IQCK: variants seen among roughly 807,000 people sequenced by gnomAD.
The protein encoded by IQCK is IQ motif containing K, also known as IQ domain-containing protein K.
A neutral mutation model predicts 28.1 loss-of-function variants in IQCK; 29 were observed. That is an observed-to-expected ratio of 1.03 (90% confidence interval 0.77 to 1.41). The LOEUF is 1.41. Among genes scored for constraint, IQCK ranks in the 40% most tolerant of loss-of-function variants. The pLI, the probability that IQCK is intolerant of heterozygous loss-of-function variation, is 0.00. For synonymous variants in IQCK, 113 were observed against 115.1 expected (o/e 0.98, Z 0.12); for missense variants, 359 against 314.7 (o/e 1.14, Z -1.07).
chr16:19,730,393 A>G, intron 1 of IQCK, 37 bp from the exon 2 acceptor site: 1 of 1,455,822 alleles, frequency 6.9e-7, no homozygotes, highest in African/African-American at 1.4e-5. Flanking sequence ...ACTCTAGTGA[A>G]GTATGGAATT....
At chr16:19,832,007 C>T (rs923242129), downstream of IQCK, among the ~76,000 whole-genome samples, 2 of 152,088 alleles carry the variant, frequency 1.3e-5, no homozygotes, top group African/African-American at 4.8e-5. Flanking sequence ...GTAAGAATTT[C>T]AGCCAATGTA....
intron 7 of IQCK, among the ~76,000 whole-genome samples, chr16:19,792,901 A>C (rs72769559): frequency 0.13 from 15,504 of 114,896 alleles, 3,308 homozygotes; most frequent in Non-Finnish European, 0.16. Flanking sequence ...TTTTTTTACA[A>C]AGAGAATGTA....
intron 4 of IQCK, among the ~76,000 whole-genome samples, chr16:19,742,485 A>G (rs1003892038): frequency 6.6e-6 from 1 of 152,058 alleles, no homozygotes; most frequent in South Asian, 2.1e-4. Flanking sequence ...ACAGATTCAC[A>G]TTTTCTTGAT....
Position 19,763,913 on chromosome 16 carries a change from T to C in IQCK, c.527+13T>C. On this transcript the variant is annotated intron_variant, in intron 5 of 7. Transcript: ENST00000564186. ...AGTGGTTATACAAGTAAGTTGTTCG[T>C]GTCTGACTATTCAGTGATCCTAAGA... 6.2e-7 allele frequency: 1 copy of C among 1,612,162 alleles called. No individual in the cohort carries two copies. Among genetic ancestry groups the C allele is most frequent in the Non-Finnish European group, 8.5e-7 (1 of 1,178,152 alleles).
intron 4 of IQCK, among the ~76,000 whole-genome samples, chr16:19,737,131 C>T (rs1034498908): frequency 6.6e-6 from 1 of 151,946 alleles, no homozygotes; most frequent in Non-Finnish European, 1.5e-5. Context: ...CACTGCACCC[C>T]AGCCTGGAAA....
intron 6 of IQCK, among the ~76,000 whole-genome samples, chr16:19,768,403 C>G (rs1461544295): frequency 6.6e-6 from 1 of 152,166 alleles, no homozygotes; most frequent in Non-Finnish European, 1.5e-5. Flanking sequence ...AGTAGTACTT[C>G]AGGCAGAATT....
At chr16:19,844,644 G>T (rs2056395866) in intron 9 of IQCK, among the ~76,000 whole-genome samples, 1 of 152,192 alleles carries the variant, frequency 6.6e-6, no homozygotes, top group Admixed American at 6.5e-5. Flanking sequence ...AAACGTTCGT[G>T]TTTTCTTTTC....
intron 2 of IQCK, among the ~76,000 whole-genome samples, 153 bp from the exon 3 acceptor site, chr16:19,733,545 C>T (rs888646398): frequency 6.6e-6 from 1 of 152,176 alleles, no homozygotes; most frequent in Non-Finnish European, 1.5e-5. Context: ...ATAGGTGTCT[C>T]AGGAGGGAAG....
chr16:19,747,078 G>C (rs1300274986), intron 4 of IQCK, among the ~76,000 whole-genome samples: 5 of 152,212 alleles, frequency 3.3e-5, no homozygotes, highest in Non-Finnish European at 5.9e-5. Flanking sequence ...AGGAGTTCAA[G>C]ACCAGCTTGG....
At chr16:19,761,590 C>A in intron 4 of IQCK, 1 of 270,620 alleles carries the variant, frequency 3.7e-6, no homozygotes, top group Admixed American at 4.6e-5. Flanking sequence ...TTTTATCACC[C>A]GATTTCCATA....
chr16:19,780,377 C>G (rs116335438), intron 6 of IQCK, among the ~76,000 whole-genome samples: 4,694 of 152,018 alleles, frequency 0.031, 229 homozygotes, highest in African/African-American at 0.11. Flanking sequence ...GACAGTGTTG[C>G]CCTGGCTGGT....
exon 10 of IQCK, chr16:19,857,371 A>T (rs373690802): frequency 1.5e-4 from 64 of 416,904 alleles, no homozygotes; most frequent in African/African-American, 1.2e-3. Context: ...CATGGTTTAC[A>T]GCCTTTTAAA....
intron 7 of IQCK, among the ~76,000 whole-genome samples, chr16:19,810,763 G>A (rs1010565405): frequency 6.6e-6 from 1 of 150,776 alleles, no homozygotes; most frequent in Non-Finnish European, 1.5e-5. Flanking sequence ...CCAAGATCGT[G>A]CCACTGCACT....
At chr16:19,779,424 T>C (rs1033579125) in intron 6 of IQCK, among the ~76,000 whole-genome samples, 6 of 151,966 alleles carry the variant, frequency 3.9e-5, no homozygotes, top group Non-Finnish European at 8.8e-5. Flanking sequence ...TGAAACAGAG[T>C]AGGGGAAATA....
intron 4 of IQCK, among the ~76,000 whole-genome samples, chr16:19,746,127 T>G (rs1419895000): frequency 6.8e-6 from 1 of 147,748 alleles, no homozygotes; most frequent in Admixed American, 6.8e-5. Context: ...GAGATCCAGC[T>G]TGGGGGACAG....
chr16:19,828,986 ATAAT>A (rs2056192817), downstream of IQCK, among the ~76,000 whole-genome samples: 1 of 144,242 alleles, frequency 6.9e-6, no homozygotes, highest in Non-Finnish European at 1.5e-5. Context: ...AATTATATAT[ATAAT>A]TAAATATATA....
intron 6 of IQCK, among the ~76,000 whole-genome samples, chr16:19,774,607 G>A (rs1472815092): frequency 6.6e-6 from 1 of 151,888 alleles, no homozygotes; most frequent in Non-Finnish European, 1.5e-5. Context: ...CAAGTAATCC[G>A]CCCTCCTTGG....
At chr16:19,736,774 A>G (rs749147534) in intron 4 of IQCK, among the ~76,000 whole-genome samples, 1 of 152,044 alleles carries the variant, frequency 6.6e-6, no homozygotes, top group African/African-American at 2.4e-5. Context: ...CAGAGGAGAA[A>G]ATGGAGGGAC....
intron 9 of IQCK, among the ~76,000 whole-genome samples, chr16:19,832,274 A>T (rs986130046): frequency 4.6e-5 from 7 of 152,020 alleles, no homozygotes; most frequent in Non-Finnish European, 8.8e-5. Context: ...CATATATATC[A>T]TCAGATAAAT....
Sources: gnomAD v4.1 joint callset for allele counts (sites outside exome capture counted in the v4.1 genomes callset) on GRCh38, gnomAD v4.1.1 for gene constraint, MANE v1.5 for transcripts, NCBI Gene and HGNC (gene_info 2026-07-23, HGNC 2026-07-21) for gene names.